Variants in SCYL2 observed in about 807,000 individuals in gnomAD.
SCYL2 encodes SCY1-like protein 2.
A neutral mutation model predicts 100.4 loss-of-function variants in SCYL2; 36 were observed. That is an observed-to-expected ratio of 0.36 (90% confidence interval 0.27 to 0.47). SCYL2 has a LOEUF of 0.47. Ranked by LOEUF, SCYL2 falls within the 20% of genes least tolerant of loss-of-function variation. The pLI, the probability that SCYL2 is intolerant of heterozygous loss-of-function variation, is 1.00. For missense variants in SCYL2, 902 were observed against 1,083.9 expected (o/e 0.83, Z 2.36); for synonymous variants, 330 against 359.2 (o/e 0.92, Z 0.92).
Position 100,316,972 on chromosome 12 carries a change from G to C in SCYL2, c.1273-831G>C, listed in dbSNP as rs546048989. On this transcript the variant is annotated intron_variant, in intron 9 of 17. Transcript: ENST00000360820. ...ACAAAAATAAGCCAGGTGCCTGCCTGTGGTCCCAGCTACTCAGGAGGCTGA... is the reference window on the plus strand; with the variant it reads ...ACAAAAATAAGCCAGGTGCCTGCCTCTGGTCCCAGCTACTCAGGAGGCTGA... 8.7e-4 allele frequency among the ~76,000 whole-genome samples: 133 copies of C among 152,158 alleles called. 1 individual carries two copies. The highest frequency in any genetic ancestry group is 1.4e-3 in the Non-Finnish European group (93 of 67,990).
chr12:100,304,828 CA>C (rs112235325), intron 4 of SCYL2, among the ~76,000 whole-genome samples: 20 of 143,658 alleles, frequency 1.4e-4, no homozygotes, highest in Admixed American at 2.8e-4. Flanking sequence ...AAATGGAAAG[CA>C]AAAAAAAAAG....
At chr12:100,326,796 C>A in intron 12 of SCYL2, 42 bp downstream of exon 12, 1 of 1,564,694 alleles carries the variant, frequency 6.4e-7, no homozygotes, top group Non-Finnish European at 8.7e-7. Context: ...TTTTATCATG[C>A]AAATAAATTT....
Position 100,339,219 on chromosome 12 carries a change from G to A in SCYL2, c.*47G>A. On this transcript the variant is annotated 3_prime_UTR_variant, in exon 18 of 18. Transcript: ENST00000360820. ...AGGATTATTTCAGTTTCAATCATGG[G>A]TGAGCTGATTTACATCTTTATATAG... 1.9e-6 allele frequency: 3 copies of A among 1,551,614 alleles called. No homozygotes were observed. Among genetic ancestry groups the A allele is most frequent in the Non-Finnish European group, 2.6e-6 (3 of 1,144,946 alleles).
chr12:100,271,203 G>T (rs1311607283), intron 1 of SCYL2, among the ~76,000 whole-genome samples: 2 of 126,174 alleles, frequency 1.6e-5, no homozygotes, highest in African/African-American at 6.3e-5. Flanking sequence ...TATATTTCAA[G>T]AATACATCTT....
chr12:100,327,995 T>C (rs1309259248), intron 12 of SCYL2, among the ~76,000 whole-genome samples: 2 of 152,090 alleles, frequency 1.3e-5, no homozygotes, highest in Admixed American at 1.3e-4. Context: ...TTTGTCTTCT[T>C]GGCTGGATGC....
Position 100,333,716 on chromosome 12 carries a change from T to C in SCYL2, c.1762-450T>C, listed in dbSNP as rs75534108. On this transcript the variant is annotated intron_variant, in intron 13 of 17. Transcript: ENST00000360820. ...ATTTTTCAACTGTCAGAAAACAGGA[T>C]TTATTTTAGCCAGATATGTCATTGC... 7.9e-3 allele frequency: 1,211 copies of C among 153,068 alleles called. 16 individuals carry two copies. Among genetic ancestry groups the C allele is most frequent in the African/African-American group, 0.027 (1,112 of 41,580 alleles). 9.5% of individuals were successfully genotyped at this position (153,068 alleles called of 1,614,324 possible).
chr12:100,288,942 A>G (rs1049017160), intron 2 of SCYL2, among the ~76,000 whole-genome samples: 1 of 151,740 alleles, frequency 6.6e-6, no homozygotes, highest in African/African-American at 2.4e-5. Flanking sequence ...AAAGTGCTGG[A>G]CACTTTGGAG....
At chr12:100,276,373 C>T (rs926030453) in intron 1 of SCYL2, among the ~76,000 whole-genome samples, 13 of 152,218 alleles carry the variant, frequency 8.5e-5, no homozygotes, top group Non-Finnish European at 4.4e-5. Context: ...CTCTTTGTCA[C>T]GCAGGCCAGA....
intron 4 of SCYL2, among the ~76,000 whole-genome samples, chr12:100,310,078 A>G (rs1434698990): frequency 6.6e-6 from 1 of 151,860 alleles, no homozygotes; most frequent in Non-Finnish European, 1.5e-5. Context: ...AGCTCACTAC[A>G]ACCACCACTT....
intron 4 of SCYL2, among the ~76,000 whole-genome samples, chr12:100,309,105 T>TG (rs1362518707): frequency 7.1e-6 from 1 of 141,452 alleles, no homozygotes; most frequent in Admixed American, 7.0e-5. Context: ...GGTATTTTGA[T>TG]TTGTGTGTGT....
intron 9 of SCYL2, 128 bp from the exon 10 acceptor site, chr12:100,317,675 A>G: frequency 9.2e-6 from 13 of 1,413,220 alleles, no homozygotes; most frequent in Non-Finnish European, 1.2e-5. Context: ...TCTTCCACGC[A>G]TTCAGGCTAG....
At chr12:100,338,430 T>C in intron 17 of SCYL2, 98 bp from the exon 18 acceptor site, 2 of 1,123,940 alleles carry the variant, frequency 1.8e-6, no homozygotes, top group Non-Finnish European at 2.5e-6. Context: ...TTGAGCTTAA[T>C]TCTAACTTGT....
intron 8 of SCYL2, among the ~76,000 whole-genome samples, chr12:100,315,242 G>C (rs2096347019): frequency 6.6e-6 from 1 of 152,158 alleles, no homozygotes; most frequent in African/African-American, 2.4e-5. Context: ...TGTTTATGTT[G>C]TGTGGTATGA....
chr12:100,325,995 GTT>G (rs952185544), intron 11 of SCYL2, among the ~76,000 whole-genome samples: 1 of 152,016 alleles, frequency 6.6e-6, no homozygotes, highest in African/African-American at 2.4e-5. Flanking sequence ...GAAAACTGGA[GTT>G]TTATTAATAC....
intron 4 of SCYL2, among the ~76,000 whole-genome samples, chr12:100,306,318 C>G (rs1435915260): frequency 1.3e-5 from 2 of 152,232 alleles, no homozygotes; most frequent in African/African-American, 4.8e-5. Flanking sequence ...ATCAAGTCGG[C>G]TTCATCCGTG....
intron 4 of SCYL2, among the ~76,000 whole-genome samples, chr12:100,305,716 GTTT>G (rs144928837): frequency 0.019 from 2,352 of 126,802 alleles, 74 homozygotes; most frequent in African/African-American, 0.062. Flanking sequence ...CTAGGAGCTG[GTTT>G]TTTTTTTTTT....
chr12:100,285,637 C>T (rs1008949886), intron 2 of SCYL2, among the ~76,000 whole-genome samples: 2 of 152,166 alleles, frequency 1.3e-5, no homozygotes, highest in Non-Finnish European at 2.9e-5. Context: ...ATATTCCCTG[C>T]TCCCCTCTCT....
At chr12:100,320,874 A>G (rs2096355030) in intron 10 of SCYL2, among the ~76,000 whole-genome samples, 1 of 152,112 alleles carries the variant, frequency 6.6e-6, no homozygotes, top group African/African-American at 2.4e-5. Context: ...ACACTTGCCC[A>G]TTCTCTTCTC....
rs141230093 is a variant in SCYL2 at position 100,321,206 on chromosome 12, G to A, written c.1396-2319G>A. On this transcript the variant is annotated intron_variant, in intron 10 of 17. Coordinates refer to ENST00000360820, the MANE Select transcript of SCYL2 (RefSeq NM_017988.6). ...TTTGGAAGCCTAAGAATAAGTTAAA[G>A]CAAATAAAATATATCCAGTGTTCTG... 5.4e-3 allele frequency among the ~76,000 whole-genome samples: 818 copies of A among 152,278 alleles called. 4 individuals carry two copies. Among genetic ancestry groups the A allele is most frequent in the Middle Eastern group, 0.017 (5 of 294 alleles).
Sources: allele counts gnomAD v4.1 joint callset (sites outside exome capture counted in the v4.1 genomes callset), GRCh38; gene constraint gnomAD v4.1.1; transcripts MANE v1.5; gene names NCBI Gene and HGNC (gene_info 2026-07-23, HGNC 2026-07-21).